The following CADM2 variants were observed in gnomAD, a reference collection of about 807,000 sequenced individuals.
CADM2 encodes the protein immunoglobulin superfamily member 4D.
In CADM2, 12 loss-of-function variants were observed where a neutral mutation model predicts 49.8. The ratio of observed to expected loss-of-function variants is 0.24; its 90% confidence interval spans 0.15 to 0.39. The LOEUF (loss-of-function observed/expected upper bound fraction) is 0.39, where lower values mean the gene tolerates loss of function less well. Among genes scored for constraint, CADM2 ranks in the 10% least tolerant of loss-of-function variants. The pLI is 1.00. For synonymous variants in CADM2, 214 were observed against 175.4 expected (o/e 1.22, Z -1.74); for missense variants, 378 against 492.3 (o/e 0.77, Z 2.20).
intron 1 of CADM2, among the ~76,000 whole-genome samples, chr3:85,309,738 C>G (rs1334333111): frequency 6.6e-6 from 1 of 152,132 alleles, no homozygotes; most frequent in Non-Finnish European, 1.5e-5. Context: ...GACACGTTGA[C>G]CATTCATCTC....
intron 2 of CADM2, among the ~76,000 whole-genome samples, chr3:85,744,300 G>T (rs2068521444): frequency 6.6e-6 from 1 of 152,040 alleles, no homozygotes; most frequent in Non-Finnish European, 1.5e-5. Context: ...ATATTTGATA[G>T]CACAATGGGG....
intron 2 of CADM2, among the ~76,000 whole-genome samples, chr3:85,793,472 G>T (rs2108040800): frequency 6.6e-6 from 1 of 152,302 alleles, no homozygotes; most frequent in East Asian, 1.9e-4. Context: ...GCACCAAAAA[G>T]AGATATCAAG....
At chr3:85,976,540 A>C (rs182204667) in intron 8 of CADM2, among the ~76,000 whole-genome samples, 12 of 151,770 alleles carry the variant, frequency 7.9e-5, no homozygotes, top group Non-Finnish European at 1.8e-4. Context: ...TTTAACAAAT[A>C]ATGAAAGAAC....
chr3:85,509,201 A>C (rs2040497336), intron 1 of CADM2, among the ~76,000 whole-genome samples: 2 of 152,152 alleles, frequency 1.3e-5, no homozygotes, highest in Admixed American at 1.3e-4. Context: ...TTCCAATCTT[A>C]AATGCTATAT....
At chr3:85,933,470 C>T (rs79266577) in intron 6 of CADM2, among the ~76,000 whole-genome samples, 5,170 of 152,168 alleles carry the variant, frequency 0.034, 296 homozygotes, top group African/African-American at 0.12. Context: ...CCACCTGGCA[C>T]ATTCCCCGCT....
intron 1 of CADM2, among the ~76,000 whole-genome samples, chr3:85,478,408 T>C (rs2039070864): frequency 6.6e-6 from 1 of 151,940 alleles, no homozygotes; most frequent in Non-Finnish European, 1.5e-5. Context: ...GAGTAATCTG[T>C]CTCTATAGTG....
intron 2 of CADM2, among the ~76,000 whole-genome samples, chr3:85,736,376 G>A (rs2068137838): frequency 6.6e-6 from 1 of 152,130 alleles, no homozygotes; most frequent in South Asian, 2.1e-4. Flanking sequence ...TCAACTACAG[G>A]AAAATTCACC....
chr3:85,537,521 T>G (rs376605844), intron 1 of CADM2, among the ~76,000 whole-genome samples: 1 of 151,770 alleles, frequency 6.6e-6, no homozygotes. Context: ...TGTGTGCGTG[T>G]GCAAGAAATA....
intron 1 of CADM2, among the ~76,000 whole-genome samples, chr3:85,066,693 CT>C (rs1417262022): frequency 1.3e-5 from 2 of 152,164 alleles, no homozygotes; most frequent in Admixed American, 1.3e-4. Flanking sequence ...TACCACACTG[CT>C]GCCTTGGTCA....
intron 1 of CADM2, among the ~76,000 whole-genome samples, chr3:85,058,437 C>T (rs990482152): frequency 6.6e-6 from 1 of 151,728 alleles, no homozygotes; most frequent in Admixed American, 6.6e-5. Context: ...AAATGACTTT[C>T]TTTTTTTTCT....
chr3:86,009,193 A>G (rs1419041145), intron 8 of CADM2, among the ~76,000 whole-genome samples: 1 of 120,588 alleles, frequency 8.3e-6, no homozygotes, highest in Non-Finnish European at 1.6e-5. Flanking sequence ...GAATATATGT[A>G]TGAATATATA....
At chr3:85,029,200 A>G (rs928592509) in intron 1 of CADM2, among the ~76,000 whole-genome samples, 4 of 152,046 alleles carry the variant, frequency 2.6e-5, no homozygotes, top group African/African-American at 9.7e-5. Flanking sequence ...TTTGGTTTGA[A>G]TTACATTTGG....
intron 1 of CADM2, among the ~76,000 whole-genome samples, chr3:85,628,652 CAT>C (rs545625919): frequency 2.1e-3 from 287 of 138,736 alleles, no homozygotes; most frequent in African/African-American, 7.0e-3. Context: ...TATACACACA[CAT>C]ATGTATATGT....
intron 1 of CADM2, among the ~76,000 whole-genome samples, chr3:85,724,852 A>G (rs1355078800): frequency 6.6e-6 from 1 of 151,918 alleles, no homozygotes; most frequent in East Asian, 1.9e-4. Context: ...CAATTAAGCC[A>G]AAACATTCAT....
chr3:85,494,367 GT>G (rs1285690945), intron 1 of CADM2, among the ~76,000 whole-genome samples: 2 of 152,018 alleles, frequency 1.3e-5, no homozygotes, highest in African/African-American at 4.8e-5. Flanking sequence ...TTTTACTTAA[GT>G]TTATACGAAA....
At chr3:85,773,228 G>A (rs1039323132) in intron 2 of CADM2, among the ~76,000 whole-genome samples, 5 of 151,998 alleles carry the variant, frequency 3.3e-5, no homozygotes, top group African/African-American at 1.2e-4. Flanking sequence ...TAGCAGAGTG[G>A]TGTGAAACTT....
chr3:85,846,886 A>G (rs972669045), intron 3 of CADM2, among the ~76,000 whole-genome samples: 2 of 152,006 alleles, frequency 1.3e-5, no homozygotes, highest in African/African-American at 2.4e-5. Flanking sequence ...AAAATATAAG[A>G]TTTTGCGTCT....
intron 1 of CADM2, among the ~76,000 whole-genome samples, chr3:85,615,230 G>A (rs2063769592): frequency 6.6e-6 from 1 of 151,706 alleles, no homozygotes. Context: ...GAGAGAAAGA[G>A]AGAAAGAAAA....
In CADM2 at chr3:85,359,666, A is replaced by ATATATATATATATATATATATTT; in HGVS notation, c.62-366855_62-366854insATATATATATATATATATATTTT. 5.3e-3 allele frequency among the ~76,000 whole-genome samples: 140 copies of ATATATATATATATATATATATTT among 26,486 alleles called. 9 individuals carry two copies. Among genetic ancestry groups the ATATATATATATATATATATATTT allele is most frequent in the Non-Finnish European group, 6.9e-3 (85 of 12,270 alleles). 17.4% of individuals were successfully genotyped at this position (26,486 alleles called of 152,430 possible). On this transcript the variant is annotated intron_variant, in intron 1 of 9. Transcript: ENST00000383699. ...TATATATATATATATATATATATAT[A>ATATATATATATATATATATATTT]TTTTTTTTTTTGGTGGAGGGGAGAA...
Sources: allele counts gnomAD v4.1 joint callset (sites outside exome capture counted in the v4.1 genomes callset), GRCh38; gene constraint gnomAD v4.1.1; transcripts MANE v1.5; gene names NCBI Gene and HGNC (gene_info 2026-07-23, HGNC 2026-07-21).